The following USP2 variants were observed in gnomAD, a reference collection of about 807,000 sequenced individuals.
The protein encoded by USP2 is ubiquitin carboxyl-terminal hydrolase 2.
In USP2, 33 loss-of-function variants were observed where a neutral mutation model predicts 72.0. The ratio of observed to expected loss-of-function variants is 0.46; its 90% CI spans 0.35 to 0.61. The LOEUF is 0.61. USP2 is among the 20% of genes least tolerant of loss of function. The probability of loss-of-function intolerance (pLI) is 0.01; values close to 1 mark genes in which losing one functional copy is unlikely to be tolerated. For missense variants in USP2, 691 were observed against 797.8 expected (o/e 0.87, Z 1.61); for synonymous variants, 296 against 312.5 (o/e 0.95, Z 0.56).
At position 119,358,173 on chromosome 11, in the gene USP2, C is replaced by T; in HGVS notation, c.1317G>A (p.Trp439Ter). The T allele has an allele frequency of 6.2e-7, 1 of 1,614,036 alleles. No homozygotes were observed. Among genetic ancestry groups the T allele is most frequent in the Non-Finnish European group, 8.5e-7 (1 of 1,180,042 alleles). Residue 439 changes from tryptophan (W) to a stop codon, truncating the protein, a stop_gained, in exon 8 of 13, where the codon TGG becomes TGA. Transcript: ENST00000260187. LOFTEE classifies it high-confidence loss of function. ...GYCSTVFDPF[W>*]DLSLPIAKRG... Reference sequence around the variant, plus strand: ...CCTTAGCAATGGGCAGTGAGAGGTCCCAGAAGGGGTCGAAGACCGTAGAAC... The same window carrying T: ...CCTTAGCAATGGGCAGTGAGAGGTCTCAGAAGGGGTCGAAGACCGTAGAAC...
At chr11:119,367,320 T>A (rs1244332694) in intron 2 of USP2, among the ~76,000 whole-genome samples, 2 of 151,740 alleles carry the variant, frequency 1.3e-5, no homozygotes, top group African/African-American at 4.8e-5. Flanking sequence ...TGAGATGGAG[T>A]GATATAAATG....
chr11:119,358,124 C>T (rs45578848), intron 8 of USP2, 25 bp downstream of exon 8: 17,413 of 1,614,102 alleles, frequency 0.011, 120 homozygotes, highest in African/African-American at 0.026. Flanking sequence ...GGGAGTTCAA[C>T]AAGGCGGGCA....
chr11:119,357,247 T>G lies in USP2; in HGVS notation c.1670A>C (p.His557Pro). ...TGGACTGCGACAGTAGGCTGTATAGTGGCCACCCATGGTGGTTCCGGAGTG... is the reference window on the plus strand; with the variant it reads ...TGGACTGCGACAGTAGGCTGTATAGGGGCCACCCATGGTGGTTCCGGAGTG... ...SNHSGTTMGG[H>P]YTAYCRSPGT... Residue 557 changes from histidine (H) to proline (P), a missense_variant, in exon 12 of 13, where the codon CAC (histidine) becomes CCC (proline). By Grantham distance (77) the His-to-Pro change is moderately conservative. Transcript: ENST00000260187. 1 of 1,613,586 alleles carries G rather than the reference T, an allele frequency of 6.2e-7. No individual in the cohort carries two copies. Among genetic ancestry groups the G allele is most frequent in the Non-Finnish European group, 8.5e-7 (1 of 1,179,940 alleles).
chr11:119,365,116 T>C (rs1950833936), intron 2 of USP2, among the ~76,000 whole-genome samples: 1 of 152,172 alleles, frequency 6.6e-6, no homozygotes, highest in Admixed American at 6.5e-5. Context: ...GAAAGTATCT[T>C]GTTTGGAGCT....
chr11:119,359,118 C>A lies in USP2; in HGVS notation c.1078G>T (p.Glu360Ter). 1.2e-6 allele frequency: 2 copies of A among 1,614,044 alleles called. No homozygotes were observed. Among genetic ancestry groups the A allele is most frequent in the Non-Finnish European group, 1.7e-6 (2 of 1,180,028 alleles). ...CCATCCAGAAGAAAGCGAAGGAACT[C>A]CTGAGCATCCTGCTGACTGAACCCA... The part of the protein sequence containing the change: ...FVGYNQQDAQ[E>*]FLRFLLDGLH... Residue 360 changes from glutamate (E) to a stop codon, truncating the protein, a stop_gained, in exon 6 of 13, where the codon GAG becomes TAG. Transcript: ENST00000260187. LOFTEE classifies it high-confidence loss of function.
intron 2 of USP2, among the ~76,000 whole-genome samples, chr11:119,361,620 G>C (rs528666834): frequency 7.0e-4 from 106 of 151,922 alleles, no homozygotes; most frequent in African/African-American, 2.5e-3. Flanking sequence ...GGGGGGGAGG[G>C]GTGTGGGTGG....
chr11:119,371,318 C>T (rs1470136259), intron 2 of USP2, among the ~76,000 whole-genome samples: 3 of 152,128 alleles, frequency 2.0e-5, no homozygotes, highest in African/African-American at 7.2e-5. Flanking sequence ...TTGAACAGCA[C>T]CAGCCGAGTC....
chr11:119,380,697 T>G, intron 1 of USP2: 1 of 154,984 alleles, frequency 6.5e-6, no homozygotes. Context: ...CCAGTCCTCA[T>G]TCTGACTCCA....
intron 1 of USP2, among the ~76,000 whole-genome samples, chr11:119,375,316 A>G (rs1184352997): frequency 1.3e-5 from 2 of 152,200 alleles, no homozygotes; most frequent in African/African-American, 4.8e-5. Context: ...TGGCTTCCAT[A>G]TAGGCCCGGA....
At chr11:119,370,668 G>A (rs1950914350) in intron 2 of USP2, among the ~76,000 whole-genome samples, 1 of 152,196 alleles carries the variant, frequency 6.6e-6, no homozygotes, top group African/African-American at 2.4e-5. Flanking sequence ...CCCTGGAGAG[G>A]CCTCTGCTGG....
At position 119,355,965 on chromosome 11, in the gene USP2, T is replaced by C. The variant is rs1950642183; in HGVS notation, c.*870A>G. ...GGAAAAGGGAAGAGGCTGAGGGATA[T>C]TTCAGGAGGGGCAGTTACCCCCTGG... On this transcript the variant is annotated 3_prime_UTR_variant, in exon 13 of 13. Coordinates refer to ENST00000260187, the MANE Select transcript of USP2 (RefSeq NM_004205.5). The C allele has an allele frequency of 6.6e-6, 1 of 151,658 alleles. No homozygotes were observed. Among genetic ancestry groups the C allele is most frequent in the Admixed American group, 6.6e-5 (1 of 15,234 alleles). 9.4% of individuals were successfully genotyped at this position (151,658 alleles called of 1,614,324 possible).
intron 2 of USP2, chr11:119,364,292 C>A: frequency 1.5e-6 from 1 of 652,068 alleles, no homozygotes; most frequent in South Asian, 6.8e-5. Context: ...CTCGCCTCTA[C>A]CCCGCCCCCG....
intron 2 of USP2, among the ~76,000 whole-genome samples, chr11:119,369,384 G>A (rs559177584): frequency 6.6e-6 from 1 of 151,982 alleles, no homozygotes. Flanking sequence ...AGGGAAAGAA[G>A]TCTGGCTAGA....
intron 1 of USP2, chr11:119,379,184 A>T (rs1951034018): frequency 7.1e-6 from 7 of 985,470 alleles, no homozygotes; most frequent in Non-Finnish European, 8.4e-6. Context: ...AGAGATGGCG[A>T]GTGCAACTCA....
At chr11:119,363,752 C>T in intron 2 of USP2, 1 of 948,724 alleles carries the variant, frequency 1.1e-6, no homozygotes, top group Non-Finnish European at 1.4e-6. Flanking sequence ...TGGGAAGAAT[C>T]CGTCCCCTCA....
In USP2 at chr11:119,357,292, T is replaced by C; in HGVS notation, c.1625A>G (p.Asn542Ser). The change falls in exon 12 of 13, where the codon AAC becomes AGC. Residue 542 changes from asparagine to serine, a missense_variant. Asn to Ser is a conservative substitution (Grantham distance 46). Coordinates refer to ENST00000260187, the MANE Select transcript of USP2 (RefSeq NM_004205.5). Reference protein sequence around the residue: ...ASENTNHAVYNLYAVSNHSGT... With the variant: ...ASENTNHAVYSLYAVSNHSGT... ...GGAGTGATTGGACACAGCGTACAGG[T>C]TGTAAACAGCATGGTCTGAGGAGGA... is the stretch of plus-strand genomic sequence containing the variant. 2 of 1,613,018 alleles carry C rather than the reference T, an allele frequency of 1.2e-6. No homozygotes were observed. The highest frequency in any genetic ancestry group is 1.1e-5 in the South Asian group (1 of 91,026).
chr11:119,357,880 G>T (rs750345664), intron 9 of USP2, 45 bp from the exon 10 acceptor site: 4 of 1,613,352 alleles, frequency 2.5e-6, no homozygotes, highest in Non-Finnish European at 3.4e-6. Context: ...GAAGTCAGTG[G>T]GCCCCAATCC....
chr11:119,365,614 A>G lies in USP2; in HGVS notation c.775-5380T>C, dbSNP rs1173322891. On this transcript the variant is annotated intron_variant, in intron 2 of 12. Coordinates refer to ENST00000260187, the MANE Select transcript of USP2 (RefSeq NM_004205.5). ...TGAAGCAATGTTTGCATCTGATCTCATCACTCTTCTGTCCTGAAACAACTA... is the reference window on the plus strand; with the variant it reads ...TGAAGCAATGTTTGCATCTGATCTCGTCACTCTTCTGTCCTGAAACAACTA... Among the ~76,000 whole-genome samples the G allele has an allele frequency of 2.6e-5, 4 of 152,132 alleles. No individual in the cohort carries two copies. The East Asian group carries it at 7.7e-4, about 29-fold the overall frequency.
intron 1 of USP2, chr11:119,378,903 G>A (rs1281049552): frequency 1.8e-5 from 16 of 873,718 alleles, no homozygotes; most frequent in East Asian, 1.2e-4. Context: ...GACACCCACC[G>A]GGCCCAATGG....
Sources: gnomAD v4.1 joint callset for allele counts (sites outside exome capture counted in the v4.1 genomes callset) on GRCh38, gnomAD v4.1.1 for gene constraint, MANE v1.5 for transcripts, NCBI Gene and HGNC (gene_info 2026-07-23, HGNC 2026-07-21) for gene names.